ACSF2: variants seen among roughly 807,000 people sequenced by gnomAD.
ACSF2 encodes the protein medium-chain acyl-CoA ligase ACSF2, mitochondrial.
Under a neutral mutation model 79.3 loss-of-function variants are expected in ACSF2, and 52 were observed. The observed-to-expected ratio is 0.66, with a 90% CI of 0.53 to 0.83. The LOEUF (loss-of-function observed/expected upper bound fraction) is 0.83. Ranked by LOEUF, ACSF2 falls within the 40% of genes least tolerant of loss-of-function variation. The pLI, the probability that ACSF2 is intolerant of heterozygous loss-of-function variation, is 0.00. For missense variants in ACSF2, 661 were observed against 803.3 expected, an observed-to-expected ratio of 0.82 and a Z score of 2.14; for synonymous variants, 283 against 312.6, an observed-to-expected ratio of 0.91 and a Z score of 1.00.
intron 10 of ACSF2, 26 bp downstream of exon 10, chr17:50,464,320 G>A: frequency 6.2e-7 from 1 of 1,611,794 alleles, no homozygotes; most frequent in Non-Finnish European, 8.5e-7. Context: ...GGCCCGGGCT[G>A]TGGGCAGGCC....
chr17:50,447,282 G>A (rs1040845271), intron 1 of ACSF2, among the ~76,000 whole-genome samples: 4 of 152,118 alleles, frequency 2.6e-5, no homozygotes, highest in African/African-American at 9.7e-5. Flanking sequence ...GCTCACTCTT[G>A]TAATCCCAGC....
intron 1 of ACSF2, among the ~76,000 whole-genome samples, chr17:50,441,973 G>A (rs1169667911): frequency 1.3e-5 from 2 of 152,050 alleles, no homozygotes; most frequent in Non-Finnish European, 2.9e-5. Flanking sequence ...CCAAGTAGCT[G>A]GGACACAGAC....
At chr17:50,445,930 C>T (rs1342746725) in intron 1 of ACSF2, among the ~76,000 whole-genome samples, 1 of 152,148 alleles carries the variant, frequency 6.6e-6, no homozygotes, top group Non-Finnish European at 1.5e-5. Context: ...ACCTGTAGAA[C>T]ATGCATCCAC....
chr17:50,441,844 T>C (rs1021862506), intron 1 of ACSF2, among the ~76,000 whole-genome samples: 1 of 151,174 alleles, frequency 6.6e-6, no homozygotes. Flanking sequence ...TTATTTATTT[T>C]TATTTATTTA....
At chr17:50,467,527 C>T (rs943226290) in intron 10 of ACSF2, among the ~76,000 whole-genome samples, 8 of 152,174 alleles carry the variant, frequency 5.3e-5, no homozygotes, top group Non-Finnish European at 8.8e-5. Flanking sequence ...CAGGCATTTG[C>T]TTCCCCTCAC....
chr17:50,431,553 G>C (rs927302367), intron 1 of ACSF2, among the ~76,000 whole-genome samples: 25 of 152,188 alleles, frequency 1.6e-4, no homozygotes, highest in African/African-American at 6.0e-4. Flanking sequence ...TGTGAACCCT[G>C]GTGCCATCAT....
At chr17:50,438,537 T>A (rs1469740553) in intron 1 of ACSF2, among the ~76,000 whole-genome samples, 1 of 152,144 alleles carries the variant, frequency 6.6e-6, no homozygotes, top group Non-Finnish European at 1.5e-5. Context: ...TTTTCAGAAC[T>A]TTGTGGAATT....
At chr17:50,470,402 G>A (rs967175533) in intron 10 of ACSF2, among the ~76,000 whole-genome samples, 6 of 152,074 alleles carry the variant, frequency 3.9e-5, no homozygotes, top group African/African-American at 1.5e-4. Context: ...GGGGAGGTGG[G>A]GTGGGGGTAC....
chr17:50,473,803 G>A lies in ACSF2; in HGVS notation c.1614G>A (p.Val538=). ...FFHTHPKVQE[V]QVVGVKDDRM... is the part of the protein sequence containing the mutation. ...ACACACACCCGAAGGTGCAGGAAGT[G>A]CAGGTGAGGCACTTGGCTCAGGTGA... The change falls in exon 13 of 16, where the codon GTG becomes GTA. Residue 538 remains valine (V), a synonymous_variant. Transcript: ENST00000300441. The A allele has an allele frequency of 6.2e-7, 1 of 1,614,236 alleles. No individual in the cohort carries two copies. Among genetic ancestry groups the A allele is most frequent in the Non-Finnish European group, 8.5e-7 (1 of 1,180,038 alleles).
intron 10 of ACSF2, chr17:50,468,948 T>TA: frequency 7.1e-7 from 1 of 1,404,108 alleles, no homozygotes; most frequent in Non-Finnish European, 9.2e-7. Context: ...AGCCAGCTCC[T>TA]ACGTGGAGCA....
chr17:50,430,487 G>A (rs1420081509), intron 1 of ACSF2, among the ~76,000 whole-genome samples: 2 of 152,138 alleles, frequency 1.3e-5, no homozygotes, highest in Non-Finnish European at 2.9e-5. Context: ...CCAATATGGT[G>A]AAACCCTGTC....
intron 6 of ACSF2, 172 bp downstream of exon 6, chr17:50,462,757 A>G: frequency 1.3e-6 from 1 of 768,674 alleles, no homozygotes; most frequent in Non-Finnish European, 2.0e-6. Context: ...TCCTTGTCAC[A>G]TTTCCTCCCC....
chr17:50,460,583 G>A, intron 1 of ACSF2, 94 bp from the exon 2 acceptor site: 4 of 1,154,480 alleles, frequency 3.5e-6, no homozygotes, highest in African/African-American at 1.5e-5. Context: ...CACATTGTCA[G>A]CAGCCTACCC....
At chr17:50,449,571 A>AT (rs1268658598) in intron 1 of ACSF2, among the ~76,000 whole-genome samples, 1 of 149,668 alleles carries the variant, frequency 6.7e-6, no homozygotes, top group Non-Finnish European at 1.5e-5. Context: ...CGCCCGGCTA[A>AT]TTTTTTTTGT....
rs962866951 is a variant in ACSF2, at chr17:50,463,832, A to T, written c.1061A>T (p.Tyr354Phe). ...AISRERGTFL[Y>F]GTPTMFVDIL... ...CTCCTATACAGAGGCACCTTCCTGTATGGTACCCCCACGATGTTCGTGGAC... is the reference window on the plus strand; with the variant it reads ...CTCCTATACAGAGGCACCTTCCTGTTTGGTACCCCCACGATGTTCGTGGAC... Residue 354 changes from tyrosine to phenylalanine, a missense_variant, in exon 9 of 16, where the codon TAT becomes TTT. Coordinates refer to ENST00000300441, the MANE Select transcript of ACSF2 (RefSeq NM_025149.6). This position sits in a 1 kb window ranked among gnomAD's most constrained non-coding sequence, Gnocchi z 4.6. 6.2e-7 allele frequency: 1 copy of T among 1,614,008 alleles called. No homozygotes were observed. The highest frequency in any genetic ancestry group is 1.7e-5 in the Admixed American group (1 of 60,022).
chr17:50,445,215 T>A (rs971548186), intron 1 of ACSF2, among the ~76,000 whole-genome samples: 10 of 152,190 alleles, frequency 6.6e-5, no homozygotes, highest in African/African-American at 2.2e-4. Flanking sequence ...GTGCCTGACT[T>A]ACATGAGGCT....
chr17:50,432,855 C>T (rs2030052276), intron 1 of ACSF2, among the ~76,000 whole-genome samples: 1 of 152,148 alleles, frequency 6.6e-6, no homozygotes, highest in Admixed American at 6.6e-5. Flanking sequence ...AAGATGTGCT[C>T]TACCTTTGGG....
intron 1 of ACSF2, among the ~76,000 whole-genome samples, chr17:50,459,179 G>A (rs1670795730): frequency 6.6e-6 from 1 of 152,206 alleles, no homozygotes; most frequent in South Asian, 2.1e-4. Flanking sequence ...AATAGGCAAG[G>A]CAGTCTCTTC....
At chr17:50,459,829 C>T (rs1250292266) in intron 1 of ACSF2, among the ~76,000 whole-genome samples, 7 of 152,114 alleles carry the variant, frequency 4.6e-5, no homozygotes, top group East Asian at 1.9e-4. Context: ...GACTAGAACC[C>T]GAGCCAGGTC....
Sources: gnomAD v4.1 joint callset for allele counts (sites outside exome capture counted in the v4.1 genomes callset) on GRCh38, gnomAD v4.1.1 for gene constraint, Gnocchi (gnomAD v3.1) non-coding constraint, MANE v1.5 for transcripts, NCBI Gene and HGNC (gene_info 2026-07-23, HGNC 2026-07-21) for gene names.